The following WDR19 variants were observed in gnomAD, a reference collection of about 807,000 sequenced individuals.
WDR19 encodes WD repeat domain 19, also known as WD repeat-containing protein 19.
In WDR19, 121 loss-of-function variants were observed where a neutral mutation model predicts 180.0. The observed-to-expected ratio is 0.67, with a 90% CI of 0.58 to 0.78. The LOEUF (loss-of-function observed/expected upper bound fraction) is 0.78. Among genes scored for constraint, WDR19 ranks in the 30% least tolerant of loss-of-function variants. The pLI is 0.00. For synonymous variants in WDR19, 497 were observed against 540.7 expected (o/e 0.92, Z 1.12); for missense variants, 1,450 against 1,640.7 (o/e 0.88, Z 2.01).
intron 10 of WDR19, among the ~76,000 whole-genome samples, chr4:39,215,552 A>T (rs1264588207): frequency 6.6e-6 from 1 of 152,124 alleles, no homozygotes; most frequent in African/African-American, 2.4e-5. Context: ...ACACTCTATG[A>T]TGTTCACACA....
chr4:39,251,246 C>T (rs1733139220), intron 24 of WDR19, among the ~76,000 whole-genome samples: 1 of 152,116 alleles, frequency 6.6e-6, no homozygotes, highest in African/African-American at 2.4e-5. Flanking sequence ...CTGACAAAAA[C>T]AAGCAATGGG....
At chr4:39,272,208 G>T (rs1170300203) in intron 31 of WDR19, among the ~76,000 whole-genome samples, 1 of 152,162 alleles carries the variant, frequency 6.6e-6, no homozygotes, top group Non-Finnish European at 1.5e-5. Context: ...AGTGCAGGGG[G>T]CACAGAAACA....
intron 4 of WDR19, among the ~76,000 whole-genome samples, chr4:39,191,320 A>G (rs1035164423): frequency 3.9e-5 from 6 of 152,220 alleles, no homozygotes; most frequent in African/African-American, 1.2e-4. Flanking sequence ...CCTGTTGTAC[A>G]TGACCACCTT....
Position 39,244,622 on chromosome 4 carries a change from G to C in WDR19, c.2645+70G>C, listed in dbSNP as rs1732320299. On this transcript the variant is annotated intron_variant, in intron 23 of 36. Coordinates refer to ENST00000399820, the MANE Select transcript of WDR19 (RefSeq NM_025132.4). ...ATGTGCCTCTGGGGTCTCCCCACTTGCCTCCTTGCCATGCTTTCTCTCTGT... is the reference window on the plus strand; with the variant it reads ...ATGTGCCTCTGGGGTCTCCCCACTTCCCTCCTTGCCATGCTTTCTCTCTGT... The C allele has an allele frequency of 5.9e-6, 9 of 1,537,872 alleles. No homozygotes were observed. In the Admixed American group the frequency reaches 1.5e-4, roughly 26 times the overall value.
chr4:39,208,425 G>A (rs1318953445), intron 9 of WDR19, among the ~76,000 whole-genome samples: 1 of 149,990 alleles, frequency 6.7e-6, no homozygotes, highest in Non-Finnish European at 1.5e-5. Context: ...TCCTACCTCA[G>A]CCTCCCAAGT....
intron 17 of WDR19, among the ~76,000 whole-genome samples, chr4:39,229,314 A>G (rs762717652): frequency 2.9e-4 from 44 of 152,304 alleles, no homozygotes; most frequent in Non-Finnish European, 5.4e-4. Flanking sequence ...TATTCAATAG[A>G]TGGAGATAAC....
At chr4:39,220,252 C>T (rs1729521074) in intron 14 of WDR19, among the ~76,000 whole-genome samples, 1 of 152,074 alleles carries the variant, frequency 6.6e-6, no homozygotes, top group Admixed American at 6.5e-5. Context: ...AAACAAAAAA[C>T]AATAACAACA....
At chr4:39,197,930 C>G (rs1338375657) in intron 5 of WDR19, among the ~76,000 whole-genome samples, 1 of 152,166 alleles carries the variant, frequency 6.6e-6, no homozygotes, top group Admixed American at 6.5e-5. Context: ...CCTCAATCTC[C>G]CAGGCTCAAG....
chr4:39,262,547 G>A (rs192295719), intron 28 of WDR19, among the ~76,000 whole-genome samples: 27 of 152,148 alleles, frequency 1.8e-4, no homozygotes, highest in African/African-American at 6.0e-4. Context: ...GCCTTAAACT[G>A]CCCTCTTTTA....
At chr4:39,219,363 C>T (rs1006600351) in intron 14 of WDR19, among the ~76,000 whole-genome samples, 1 of 152,156 alleles carries the variant, frequency 6.6e-6, no homozygotes, top group Non-Finnish European at 1.5e-5. Flanking sequence ...CAGCTCCATC[C>T]TGATCTTATG....
At chr4:39,191,217 G>T (rs186437468) in intron 4 of WDR19, among the ~76,000 whole-genome samples, 11 of 152,152 alleles carry the variant, frequency 7.2e-5, no homozygotes, top group African/African-American at 2.7e-4. Context: ...CCCACTGTTT[G>T]TTCTTTATTC....
chr4:39,224,737 T>C, intron 14 of WDR19, 147 bp from the exon 15 acceptor site: 5 of 720,542 alleles, frequency 6.9e-6, no homozygotes, highest in South Asian at 5.0e-5. Flanking sequence ...ACCTTTCACA[T>C]ATACTAAATA....
At chr4:39,258,354 T>C (rs926718958) in intron 28 of WDR19, among the ~76,000 whole-genome samples, 5 of 152,066 alleles carry the variant, frequency 3.3e-5, no homozygotes, top group Non-Finnish European at 1.5e-5. Flanking sequence ...GGTTTCACCA[T>C]GTTGGCCAGG....
chr4:39,231,995 A>C (rs1730917241), intron 18 of WDR19, 39 bp downstream of exon 18: 7 of 1,594,508 alleles, frequency 4.4e-6, no homozygotes, highest in Middle Eastern at 1.7e-4. Flanking sequence ...TTAAAATTTA[A>C]ATGCTATTTT....
rs770348855 is a variant in WDR19 at position 39,218,041 on chromosome 4, T to A, written c.1415T>A (p.Val472Glu). 5 of 1,613,998 alleles carry A rather than the reference T, an allele frequency of 3.1e-6. No homozygotes were observed. The East Asian group carries it at 1.1e-4, about 36-fold the overall frequency. Residue 472 changes from valine to glutamate, a missense_variant, in exon 14 of 37, where the codon GTG (valine) becomes GAG (glutamate). Physicochemically the swap from Val to Glu is moderately radical, Grantham distance 121. Transcript: ENST00000399820. The part of the protein sequence containing the change: ...EERETRLFPA[V>E]DDKCRILCHA... ...CGTGAGACTCGGCTTTTCCCAGCAG[T>A]GGATGATAAGTGCCGTATCTTATGC...
rs934792994 is a variant in WDR19, at chr4:39,244,318, T to C, written c.2492T>C (p.Val831Ala). The change falls in exon 22 of 37, where the codon GTT (valine) becomes GCT (alanine). Residue 831 changes from valine to alanine, a missense_variant. Coordinates refer to ENST00000399820, the MANE Select transcript of WDR19 (RefSeq NM_025132.4). ...AGAATGGGAGACATACGTCGAGGGG[T>C]TAACCAAGCCCTCAAGCATCCCAGC... The part of the protein sequence containing the change: ...SIRMGDIRRG[V>A]NQALKHPSRV... The C allele has an allele frequency of 2.1e-5, 34 of 1,613,734 alleles. No individual in the cohort carries two copies. The highest frequency in any genetic ancestry group is 2.9e-5 in the Non-Finnish European group (34 of 1,179,844).
chr4:39,278,499 T>C (rs371151287), intron 35 of WDR19, 40 bp from the exon 36 acceptor site: 28 of 1,514,640 alleles, frequency 1.8e-5, no homozygotes, highest in Non-Finnish European at 2.4e-5. Context: ...AAAGGAATGT[T>C]ATATATTTAA....
In WDR19 at chr4:39,285,560, C is replaced by T. The variant is rs149925912; in HGVS notation, c.*87C>T. 149 of 152,300 alleles carry T rather than the reference C, an allele frequency of 9.8e-4. No individual in the cohort carries two copies. Among genetic ancestry groups the T allele is most frequent in the African/African-American group, 3.4e-3 (141 of 41,558 alleles). The allele number at this position is 152,300 out of a possible 1,614,324, so 9.4% of individuals were successfully genotyped here. On this transcript the variant is annotated 3_prime_UTR_variant, in exon 37 of 37. Coordinates refer to ENST00000399820, the MANE Select transcript of WDR19 (RefSeq NM_025132.4). ...CCCCTGGTGGATTTAAGAGACGGTC[C>T]TTTCTGGATACAGAGAAATGAAACA...
At chr4:39,223,969 A>G (rs1425860686) in intron 14 of WDR19, among the ~76,000 whole-genome samples, 1 of 152,208 alleles carries the variant, frequency 6.6e-6, no homozygotes, top group Non-Finnish European at 1.5e-5. Context: ...TTTCCCATCC[A>G]TGAACACAGT....
Sources: allele counts gnomAD v4.1 joint callset (sites outside exome capture counted in the v4.1 genomes callset), GRCh38; gene constraint gnomAD v4.1.1; transcripts MANE v1.5; gene names NCBI Gene and HGNC (gene_info 2026-07-23, HGNC 2026-07-21).